The following SMYD4 variants were observed in gnomAD, a reference collection of about 807,000 sequenced individuals.
SMYD4 encodes protein-lysine N-methyltransferase SMYD4.
A neutral mutation model predicts 72.8 loss-of-function variants in SMYD4; 68 were observed. That is an observed-to-expected ratio of 0.93 (90% CI 0.77 to 1.14). SMYD4 has a LOEUF of 1.14. Ranked by LOEUF, SMYD4 falls within the 50% of genes most tolerant of loss-of-function variation. SMYD4 has a pLI of 0.00. For synonymous variants in SMYD4, 407 were observed against 388.6 expected (o/e 1.05, Z -0.56); for missense variants, 984 against 1,003.7 (o/e 0.98, Z 0.27).
At position 1,793,200 on chromosome 17, in the gene SMYD4, A is replaced by AGCG. The variant is rs1244037212; in HGVS notation, c.1538-5597_1538-5596insCGC. On this transcript the variant is annotated intron_variant, in intron 5 of 10. Coordinates refer to ENST00000305513, the MANE Select transcript of SMYD4 (RefSeq NM_052928.3). The stretch of plus-strand genomic sequence containing the variant: ...CCAAAGTGCTGGGATTATAGGTGTG[A>AGCG]GCCACTGTGCCTGGCCGCTATGCAT... Among the ~76,000 whole-genome samples, 4 of 152,220 alleles carry AGCG rather than the reference A, an allele frequency of 2.6e-5. No homozygotes were observed. The South Asian group carries it at 8.3e-4, about 32-fold the overall frequency.
rs117619260 is a variant in SMYD4, at chr17:1,784,826, G to C, written c.1885-365C>G. On this transcript the variant is annotated intron_variant, in intron 7 of 10. Transcript: ENST00000305513. Reference sequence around the variant, plus strand: ...CGCTCGGTCTCCAGGCTGGAGTGCAGTGGTGCGATCTCGGCTCACTCCAAG... The same window carrying C: ...CGCTCGGTCTCCAGGCTGGAGTGCACTGGTGCGATCTCGGCTCACTCCAAG... Among the ~76,000 whole-genome samples the C allele has an allele frequency of 2.6e-4, 40 of 152,082 alleles. No individual in the cohort carries two copies. The East Asian group carries it at 7.8e-3, about 30-fold the overall frequency.
rs1911430838 is a variant in SMYD4, at chr17:1,829,762, G to C, written c.-49C>G. The stretch of plus-strand genomic sequence containing the variant: ...CCAGAGACCGAGGCGAGAACGCCTC[G>C]AGAACCGCTCAGACGCGCCCGGAAC... On this transcript the variant is annotated 5_prime_UTR_variant, in exon 1 of 11. Transcript: ENST00000305513. 1 of 207,502 alleles carries C rather than the reference G, an allele frequency of 4.8e-6. No homozygotes were observed. Among genetic ancestry groups the C allele is most frequent in the Non-Finnish European group, 9.5e-6 (1 of 105,000 alleles). The allele number at this position is 207,502 out of a possible 1,614,324, so 12.9% of individuals were successfully genotyped here. A position where few individuals can be genotyped will look rare whatever the true frequency, so the allele number is the denominator to read the frequency against.
intron 3 of SMYD4, among the ~76,000 whole-genome samples, chr17:1,810,338 ACCAGCCTGG>A (rs950584646): frequency 2.6e-5 from 4 of 151,916 alleles, no homozygotes; most frequent in Admixed American, 2.6e-4. Context: ...TAGTGCAGAG[ACCAGCCTGG>A]CCAACATGGC....
Position 1,800,113 on chromosome 17 carries a change from G to A in SMYD4, c.1281C>T (p.Asn427=), listed in dbSNP as rs531392920. 18 of 1,611,248 alleles carry A rather than the reference G, an allele frequency of 1.1e-5. No individual in the cohort carries two copies. Among genetic ancestry groups the A allele is most frequent in the Non-Finnish European group, 1.4e-5 (17 of 1,178,398 alleles). The change falls in exon 5 of 11, where the codon AAC becomes AAT. Residue 427 remains asparagine, a synonymous_variant. Transcript: ENST00000305513. ...TATGGTTTTCAGTGTGGGGCAAAAG[G>A]TTGAAGACAGCATTATAATTATTTT... The part of the protein sequence containing the change: ...KYENNYNAVF[N]LLPHTENHSP...
At chr17:1,791,110 C>G (rs1280917124) in intron 5 of SMYD4, among the ~76,000 whole-genome samples, 1 of 97,906 alleles carries the variant, frequency 1.0e-5, no homozygotes, top group Non-Finnish European at 2.1e-5. Context: ...CTGGGCTGGC[C>G]CGTCTCAAAA....
chr17:1,797,928 G>A (rs1909491713), intron 5 of SMYD4, among the ~76,000 whole-genome samples: 1 of 151,888 alleles, frequency 6.6e-6, no homozygotes, highest in Non-Finnish European at 1.5e-5. Context: ...CTTGAACCTG[G>A]CAGACAGAGG....
At chr17:1,820,470 G>A (rs1910832428) in intron 2 of SMYD4, among the ~76,000 whole-genome samples, 1 of 152,134 alleles carries the variant, frequency 6.6e-6, no homozygotes, top group East Asian at 1.9e-4. Flanking sequence ...AAACTCCTGG[G>A]CTCCAGCGAT....
At chr17:1,824,984 C>T (rs1489922259) in intron 2 of SMYD4, among the ~76,000 whole-genome samples, 1 of 152,010 alleles carries the variant, frequency 6.6e-6, no homozygotes, top group Admixed American at 6.6e-5. Context: ...CTTCCTGCCA[C>T]CCTGTGAGGG....
chr17:1,811,219 C>T (rs2151244817), intron 3 of SMYD4, among the ~76,000 whole-genome samples: 1 of 152,342 alleles, frequency 6.6e-6, no homozygotes, highest in Admixed American at 6.5e-5. Context: ...ATATGCTCCC[C>T]TAGAGGTTTG....
intron 2 of SMYD4, among the ~76,000 whole-genome samples, chr17:1,826,491 CAAAAAAAAAAAAAAAA>C (rs111636314): frequency 5.0e-4 from 52 of 103,058 alleles, no homozygotes; most frequent in Middle Eastern, 5.3e-3. Flanking sequence ...AAACTCTGTC[CAAAAAAAAAAAAAAAA>C]AAAAAAAAAA....
intron 3 of SMYD4, among the ~76,000 whole-genome samples, chr17:1,805,821 A>C (rs1038745298): frequency 7.1e-6 from 1 of 140,532 alleles, no homozygotes; most frequent in African/African-American, 2.9e-5. Context: ...CAAAAAAATA[A>C]ATTAATAATA....
intron 2 of SMYD4, among the ~76,000 whole-genome samples, chr17:1,816,112 T>C (rs577579325): frequency 4.3e-4 from 66 of 152,268 alleles, no homozygotes; most frequent in African/African-American, 1.5e-3. Flanking sequence ...GCTGAAACTC[T>C]ACCCATTAAA....
intron 4 of SMYD4, among the ~76,000 whole-genome samples, chr17:1,801,624 T>TG (rs1909760742): frequency 9.1e-6 from 1 of 110,272 alleles, no homozygotes; most frequent in Non-Finnish European, 1.8e-5. Flanking sequence ...AGGCAGGCTT[T>TG]GAAAAAAAAA....
intron 5 of SMYD4, among the ~76,000 whole-genome samples, chr17:1,798,304 T>C (rs1255815398): frequency 1.3e-5 from 2 of 151,944 alleles, no homozygotes; most frequent in Non-Finnish European, 2.9e-5. Flanking sequence ...TATTTTGTCA[T>C]GCTTTCCAGG....
At chr17:1,829,506 A>G (rs1271471505) in intron 1 of SMYD4, 1 of 152,238 alleles carries the variant, frequency 6.6e-6, no homozygotes, top group African/African-American at 2.4e-5. Flanking sequence ...CTGACGGCAT[A>G]AAGTGCCCCC....
chr17:1,821,656 C>G (rs992052708), intron 2 of SMYD4, among the ~76,000 whole-genome samples: 2 of 152,288 alleles, frequency 1.3e-5, no homozygotes, highest in Non-Finnish European at 2.9e-5. Flanking sequence ...GAAGGCTGGG[C>G]ACAGTGGCTC....
intron 3 of SMYD4, among the ~76,000 whole-genome samples, chr17:1,809,353 C>CATT (rs1361098376): frequency 6.8e-6 from 1 of 148,076 alleles, no homozygotes; most frequent in Non-Finnish European, 1.5e-5. Context: ...GTCATTTATA[C>CATT]ATTATTATTA....
chr17:1,820,058 G>A (rs1910816030), intron 2 of SMYD4, among the ~76,000 whole-genome samples: 1 of 152,194 alleles, frequency 6.6e-6, no homozygotes, highest in Non-Finnish European at 1.5e-5. Flanking sequence ...AAAGGGCTGG[G>A]ATTACAGGCA....
At chr17:1,807,316 A>C (rs1910086657) in intron 3 of SMYD4, among the ~76,000 whole-genome samples, 1 of 151,712 alleles carries the variant, frequency 6.6e-6, no homozygotes, top group South Asian at 2.1e-4. Flanking sequence ...AGCCATCATA[A>C]AGAATGAGGA....
Sources: gnomAD v4.1 joint callset for allele counts (sites outside exome capture counted in the v4.1 genomes callset) on GRCh38, gnomAD v4.1.1 for gene constraint, MANE v1.5 for transcripts, NCBI Gene and HGNC (gene_info 2026-07-23, HGNC 2026-07-21) for gene names.